The following GPT2 variants were observed in gnomAD, a reference collection of about 807,000 sequenced individuals.
The protein encoded by GPT2 is glutamic--pyruvic transaminase 2.
A neutral mutation model predicts 56.9 loss-of-function variants in GPT2; 30 were observed. The observed-to-expected ratio is 0.53, with a 90% CI of 0.39 to 0.72. The LOEUF (loss-of-function observed/expected upper bound fraction) is 0.72, where lower values mean the gene tolerates loss of function less well. GPT2 is among the 30% of genes least tolerant of loss of function. The probability of loss-of-function intolerance (pLI) is 0.00; values close to 1 mark genes in which losing one functional copy is unlikely to be tolerated. For missense variants in GPT2, 542 were observed against 703.4 expected, an observed-to-expected ratio of 0.77 and a Z score of 2.60; for synonymous variants, 271 against 283.1, an observed-to-expected ratio of 0.96 and a Z score of 0.43.
In GPT2 at chr16:46,919,174, G is replaced by T. The variant is rs1361932592; in HGVS notation, c.1037+417G>T. 2.0e-5 allele frequency among the ~76,000 whole-genome samples: 3 copies of T among 152,330 alleles called. No individual in the cohort carries two copies. The East Asian group carries it at 5.8e-4, about 29-fold the overall frequency. ...TGTGACCTCAGAGGCTAAAGGGTCA[G>T]CTGTAATCCTGTGTCTGTTCATTCA... On this transcript the variant is annotated intron_variant, in intron 8 of 11. Transcript: ENST00000340124.
chr16:46,901,718 C>A (rs1405906278), intron 4 of GPT2, among the ~76,000 whole-genome samples: 1 of 152,114 alleles, frequency 6.6e-6, no homozygotes, highest in African/African-American at 2.4e-5. Flanking sequence ...CCCCCGCCAA[C>A]TTTTTCTGCT....
intron 6 of GPT2, 121 bp from the exon 7 acceptor site, chr16:46,916,507 A>C: frequency 1.3e-6 from 1 of 758,774 alleles, no homozygotes. Context: ...CTCTGCGGGG[A>C]GGGTGTTCTA....
rs111755247 is a variant in GPT2, at chr16:46,922,754, C to T, written c.1212+338C>T. Reference sequence around the variant, plus strand: ...AAAAGAAGACGAGGAGGTAGAGGGGCGCAGCATCGATCCCAGGCCCCCACC... The same window carrying T: ...AAAAGAAGACGAGGAGGTAGAGGGGTGCAGCATCGATCCCAGGCCCCCACC... On this transcript the variant is annotated intron_variant, in intron 9 of 11. Transcript: ENST00000340124. Among the ~76,000 whole-genome samples the T allele has an allele frequency of 1.3e-3, 199 of 152,140 alleles. 2 individuals are homozygous for T. The Middle Eastern group carries it at 0.024, about 18-fold the overall frequency.
intron 4 of GPT2, among the ~76,000 whole-genome samples, chr16:46,902,647 C>G (rs1415640396): frequency 6.6e-6 from 1 of 152,074 alleles, no homozygotes; most frequent in Admixed American, 6.6e-5. Flanking sequence ...TTTTTTGAAA[C>G]AGAGTGTCAC....
rs1961429340 is a variant in GPT2, at chr16:46,926,984, CTG to C, written c.1432_1433del (p.Val478ArgfsTer73). The C allele has an allele frequency of 6.2e-7, 1 of 1,609,848 alleles. No homozygotes were observed. The highest frequency in any genetic ancestry group is 8.5e-7 in the Non-Finnish European group (1 of 1,178,272). The part of the protein sequence containing the change: ...CMKLLEETGI[C>X]VVPGSGFGQR... ...TGAAGCTCCTGGAGGAGACTGGCAT[CTG>C]TGTCGTGCCCGGCAGTGGCTTTGGG... On this transcript the variant is annotated frameshift_variant, in exon 11 of 12. Transcript: ENST00000340124. LOFTEE classifies it high-confidence loss of function.
chr16:46,887,082 A>G (rs1405616958), intron 2 of GPT2, among the ~76,000 whole-genome samples: 4 of 151,780 alleles, frequency 2.6e-5, no homozygotes, highest in African/African-American at 9.7e-5. Flanking sequence ...CGAGAGCCAC[A>G]TTTCCCCAGT....
chr16:46,924,304 C>T (rs569942214), intron 9 of GPT2, 85 bp from the exon 10 acceptor site: 28 of 1,472,610 alleles, frequency 1.9e-5, no homozygotes, highest in Middle Eastern at 1.7e-4. Context: ...CTGGGATTTC[C>T]GCAAGTGCTG....
chr16:46,888,061 A>C (rs1960519286), intron 2 of GPT2, among the ~76,000 whole-genome samples: 1 of 152,120 alleles, frequency 6.6e-6, no homozygotes, highest in African/African-American at 2.4e-5. Flanking sequence ...TCCTCAACCT[A>C]CTTTTTCCCT....
In GPT2 at chr16:46,910,055, C is replaced by T. The variant is rs1468427808; in HGVS notation, c.820+128C>T. ...TAGTTTCCCTTCCAGATTTGCTAAC[C>T]TAAAGCCATGAAATTTGCCACAGGC... On this transcript the variant is annotated intron_variant, in intron 6 of 11. Coordinates refer to ENST00000340124, the MANE Select transcript of GPT2 (RefSeq NM_133443.4). 4.6e-6 allele frequency: 6 copies of T among 1,297,346 alleles called. No homozygotes were observed. The African/African-American group carries it at 8.9e-5, about 19-fold the overall frequency. 80.4% of individuals were successfully genotyped at this position (1,297,346 alleles called of 1,614,324 possible).
At chr16:46,893,491 C>T (rs1960623026) in intron 2 of GPT2, among the ~76,000 whole-genome samples, 1 of 152,192 alleles carries the variant, frequency 6.6e-6, no homozygotes, top group African/African-American at 2.4e-5. Context: ...GCCACGGATG[C>T]GGAGGCTGAC....
At chr16:46,907,101 C>G in intron 5 of GPT2, 126 bp downstream of exon 5, 2 of 1,250,020 alleles carry the variant, frequency 1.6e-6, no homozygotes, top group Non-Finnish European at 2.3e-6. Context: ...ACCCTCTGGT[C>G]CCCCAGCCCT....
chr16:46,898,798 C>T (rs1437118465), intron 3 of GPT2, among the ~76,000 whole-genome samples: 1 of 150,814 alleles, frequency 6.6e-6, no homozygotes, highest in African/African-American at 2.4e-5. Context: ...GATCCGCCTG[C>T]CTCGGCCTCC....
chr16:46,897,297 C>G (rs141226971), intron 2 of GPT2, among the ~76,000 whole-genome samples: 2,847 of 152,196 alleles, frequency 0.019, 38 homozygotes, highest in Non-Finnish European at 0.029. Flanking sequence ...TGCTTGAACC[C>G]AGGAGGTAGA....
At position 46,884,956 on chromosome 16, in the gene GPT2, C is replaced by T. The variant is rs1382992103; in HGVS notation, c.241C>T (p.Arg81Trp). 2 of 1,497,956 alleles carry T rather than the reference C, an allele frequency of 1.3e-6. No individual in the cohort carries two copies. Among genetic ancestry groups the T allele is most frequent in the Non-Finnish European group, 8.9e-7 (1 of 1,118,376 alleles). The allele number at this position is 1,497,956 out of a possible 1,614,324, so 92.8% of individuals were successfully genotyped here. ...CGGCGAGATCGAGCTCGAGCTGCAG[C>T]GGGTGAGCGCGCGCTGGGCCCCGGG... ...KAGEIELELQ[R>W]GIKKPFTEVI... Residue 81 changes from arginine (R) to tryptophan (W), a missense_variant and splice_region_variant, in exon 2 of 12, where the codon CGG (arginine) becomes TGG (tryptophan). Coordinates refer to ENST00000340124, the MANE Select transcript of GPT2 (RefSeq NM_133443.4).
chr16:46,888,114 G>A (rs762774385), intron 2 of GPT2, among the ~76,000 whole-genome samples: 3 of 152,236 alleles, frequency 2.0e-5, no homozygotes, highest in Admixed American at 6.5e-5. Flanking sequence ...TACAAGTGGA[G>A]ACAGGAATGG....
At chr16:46,928,616 CAAA>C (rs551688670) in intron 11 of GPT2, among the ~76,000 whole-genome samples, 2 of 101,220 alleles carry the variant, frequency 2.0e-5, no homozygotes. Context: ...AATTCCATCT[CAAA>C]AAAAAAAAAA....
rs1424536150 is a variant in GPT2 at position 46,884,932 on chromosome 16, G to A, written c.217G>A (p.Gly73Ser). 5.9e-6 allele frequency: 9 copies of A among 1,527,766 alleles called. No individual in the cohort carries two copies. In the East Asian group the frequency reaches 1.0e-4, roughly 17 times the overall value. The allele number at this position is 1,527,766 out of a possible 1,614,324, so 94.6% of individuals were successfully genotyped here. A position where few individuals can be genotyped will look rare whatever the true frequency, so the allele number is the denominator to read the frequency against. Residue 73 changes from glycine to serine, a missense_variant, in exon 2 of 12, where the codon GGC (glycine) becomes AGC (serine). Transcript: ENST00000340124. ...AVRGPIVLKA[G>S]EIELELQRGI... The stretch of plus-strand genomic sequence containing the variant: ...GCGGGGACCCATCGTGCTCAAGGCC[G>A]GCGAGATCGAGCTCGAGCTGCAGCG...
At chr16:46,921,819 C>T (rs1214568490) in intron 8 of GPT2, among the ~76,000 whole-genome samples, 4 of 152,078 alleles carry the variant, frequency 2.6e-5, no homozygotes, top group Non-Finnish European at 5.9e-5. Context: ...GAGTTCAAGA[C>T]CAGACTGGGC....
intron 3 of GPT2, among the ~76,000 whole-genome samples, chr16:46,898,977 TATA>T (rs1960753058): frequency 1.5e-4 from 1 of 6,802 alleles, no homozygotes; most frequent in African/African-American, 2.0e-4. Context: ...CACACACACA[TATA>T]TATATATATA....
Sources: gnomAD v4.1 joint callset for allele counts (sites outside exome capture counted in the v4.1 genomes callset) on GRCh38, gnomAD v4.1.1 for gene constraint, MANE v1.5 for transcripts, NCBI Gene and HGNC (gene_info 2026-07-23, HGNC 2026-07-21) for gene names.